Variants in GPC4 observed in about 807,000 individuals in gnomAD.
The protein encoded by GPC4 is glypican 4.
In GPC4, 10 loss-of-function variants were observed where a neutral mutation model predicts 35.0. That is an observed-to-expected ratio of 0.29 (90% CI 0.18 to 0.48). The LOEUF (loss-of-function observed/expected upper bound fraction) is 0.48. Among genes scored for constraint, GPC4 ranks in the 20% least tolerant of loss-of-function variants. The pLI, the probability that GPC4 is intolerant of heterozygous loss-of-function variation, is 0.99. For synonymous variants in GPC4, 167 were observed against 170.2 expected (o/e 0.98, Z 0.15); for missense variants, 322 against 451.3 (o/e 0.71, Z 2.60).
chrX:133,415,144 G>A lies in GPC4; in HGVS notation c.-179C>T. The A allele has an allele frequency of 2.2e-6, 1 of 458,360 alleles. No individual in the cohort carries two copies. The highest frequency in any genetic ancestry group is 3.9e-5 in the East Asian group (1 of 25,782). 37.8% of individuals were successfully genotyped at this position (458,360 alleles called of 1,213,427 possible). A position where few individuals can be genotyped will look rare whatever the true frequency, so the allele number is the denominator to read the frequency against. The stretch of plus-strand genomic sequence containing the variant: ...GACGCGGGGCGAAAAGTAGAGCTGG[G>A]CCTCGCGTCAGGCAACGGTCCCCGG... On this transcript the variant is annotated 5_prime_UTR_variant, in exon 1 of 9. Coordinates refer to ENST00000370828, the MANE Select transcript of GPC4 (RefSeq NM_001448.3).
At chrX:133,406,585 T>C (rs1454158737) in intron 1 of GPC4, among the ~76,000 whole-genome samples, 3 of 105,932 alleles carry the variant, frequency 2.8e-5, no homozygotes, top group Non-Finnish European at 5.8e-5. Context: ...CTGTCTCTAC[T>C]AAAAATATAA....
intron 1 of GPC4, among the ~76,000 whole-genome samples, chrX:133,373,045 T>C (rs768021607): frequency 8.9e-6 from 1 of 112,011 alleles, no homozygotes; most frequent in Non-Finnish European, 1.9e-5. Context: ...AGGAGTGTAC[T>C]GGATTGCAAG....
chrX:133,315,332 A>G (rs2068333144), intron 3 of GPC4, among the ~76,000 whole-genome samples: 1 of 110,043 alleles, frequency 9.1e-6, no homozygotes, highest in African/African-American at 3.3e-5. Context: ...CTTCTGGTGA[A>G]AGTCCAAGAT....
At chrX:133,394,971 T>C (rs2068736212) in intron 1 of GPC4, among the ~76,000 whole-genome samples, 1 of 111,574 alleles carries the variant, frequency 9.0e-6, no homozygotes, top group South Asian at 3.8e-4. Flanking sequence ...AACAAGAAAA[T>C]ACCTTGCCTG....
intron 1 of GPC4, among the ~76,000 whole-genome samples, chrX:133,405,815 C>T (rs1452417073): frequency 8.9e-6 from 1 of 112,653 alleles, no homozygotes; most frequent in East Asian, 2.8e-4. Flanking sequence ...AGCTTGATTC[C>T]TGCTTGACAC....
At chrX:133,382,572 CA>C (rs1434858510) in intron 1 of GPC4, among the ~76,000 whole-genome samples, 2 of 104,736 alleles carry the variant, frequency 1.9e-5, no homozygotes, top group African/African-American at 7.0e-5. Flanking sequence ...ACTAAAAATA[CA>C]AAAAAATTAG....
chrX:133,304,576 C>T, intron 7 of GPC4, 149 bp downstream of exon 7: 1 of 619,171 alleles, frequency 1.6e-6, no homozygotes. Flanking sequence ...AAAGCCTGTT[C>T]CTAAGAACAC....
chrX:133,331,062 G>A (rs2068418179), intron 2 of GPC4, among the ~76,000 whole-genome samples: 1 of 111,969 alleles, frequency 8.9e-6, no homozygotes, highest in African/African-American at 3.2e-5. Context: ...AGTACTAGGG[G>A]ATTCTGCCAA....
intron 3 of GPC4, among the ~76,000 whole-genome samples, 163 bp downstream of exon 3, chrX:133,323,982 C>T (rs765501390): frequency 2.3e-4 from 26 of 111,721 alleles, no homozygotes; most frequent in African/African-American, 8.4e-4. Flanking sequence ...AAAATGTACA[C>T]GTGTAAGGAC....
At chrX:133,358,241 A>G (rs2068550864) in intron 1 of GPC4, among the ~76,000 whole-genome samples, 1 of 112,401 alleles carries the variant, frequency 8.9e-6, no homozygotes, top group South Asian at 3.7e-4. Context: ...GTCAAATATC[A>G]GCAATTTCAC....
intron 2 of GPC4, among the ~76,000 whole-genome samples, chrX:133,333,115 C>T (rs1035128671): frequency 9.8e-5 from 11 of 112,253 alleles, no homozygotes; most frequent in African/African-American, 3.2e-4. Flanking sequence ...CTCAATCAAT[C>T]GGTTGGAGTC....
chrX:133,377,965 G>A (rs1244408918), intron 1 of GPC4, among the ~76,000 whole-genome samples: 3 of 102,004 alleles, frequency 2.9e-5, no homozygotes, highest in Non-Finnish European at 4.0e-5. Flanking sequence ...TGTGACCATG[G>A]CTCACCGCAG....
intron 1 of GPC4, among the ~76,000 whole-genome samples, chrX:133,369,390 T>C (rs1298094874): frequency 1.8e-5 from 2 of 112,054 alleles, no homozygotes; most frequent in East Asian, 5.6e-4. Context: ...CTAGAGTCTG[T>C]CTTAAATGAT....
At position 133,303,217 on chromosome X, in the gene GPC4, T is replaced by C; in HGVS notation, c.1417A>G (p.Ser473Gly). ...RQIMALRVMT[S>G]KMKNAYNGND... ...CCATTGTATGCATTCTTCATCTTGC[T>C]GGTCATCACTCGAAGAGCCATGATT... The change falls in exon 8 of 9, where the codon AGC becomes GGC. Residue 473 changes from serine (S) to glycine (G), a missense_variant. By Grantham distance (56) the Ser-to-Gly change is moderately conservative. Transcript: ENST00000370828. 1.7e-6 allele frequency: 2 copies of C among 1,211,757 alleles called. No homozygotes were observed. The highest frequency in any genetic ancestry group is 2.2e-6 in the Non-Finnish European group (2 of 895,350).
intron 1 of GPC4, among the ~76,000 whole-genome samples, chrX:133,367,174 C>T (rs2068593361): frequency 8.9e-6 from 1 of 111,852 alleles, no homozygotes; most frequent in Admixed American, 9.5e-5. Context: ...TGAGTTTTGT[C>T]CAATCCTTTG....
chrX:133,403,693 T>C (rs2068775248), intron 1 of GPC4, among the ~76,000 whole-genome samples: 1 of 108,685 alleles, frequency 9.2e-6, no homozygotes, highest in African/African-American at 3.3e-5. Context: ...ATAGGGCACA[T>C]AGAGCTGCCT....
intron 1 of GPC4, among the ~76,000 whole-genome samples, chrX:133,341,957 C>G (rs1259135898): frequency 9.2e-6 from 1 of 108,790 alleles, no homozygotes; most frequent in Admixed American, 1.0e-4. Context: ...CTCATCTCCA[C>G]CAGTGACCCT....
rs1207257874 is a variant in GPC4 at position 133,331,556 on chromosome X, G to A, written c.320-7020C>T. On this transcript the variant is annotated intron_variant, in intron 2 of 8. Coordinates refer to ENST00000370828, the MANE Select transcript of GPC4 (RefSeq NM_001448.3). ...AGAGGCCAAGGTGGGCAGATCACCT[G>A]AGGTCAGGAGTTCGAGACCAGCCTG... 6.3e-5 allele frequency among the ~76,000 whole-genome samples: 7 copies of A among 111,534 alleles called. No individual in the cohort carries two copies. The East Asian group carries it at 1.7e-3, about 27-fold the overall frequency.
chrX:133,342,137 AG>A (rs1569346835), intron 1 of GPC4, among the ~76,000 whole-genome samples: 1 of 105,991 alleles, frequency 9.4e-6, no homozygotes, highest in African/African-American at 3.5e-5. Context: ...CCTGGGTTCA[AG>A]GGATTCTCGT....
Sources: allele counts gnomAD v4.1 joint callset (sites outside exome capture counted in the v4.1 genomes callset), GRCh38; gene constraint gnomAD v4.1.1; transcripts MANE v1.5; gene names NCBI Gene and HGNC (gene_info 2026-07-23, HGNC 2026-07-21).